Variants in UVRAG observed in about 807,000 individuals in gnomAD.
The protein encoded by UVRAG is UV radiation resistance-associated gene protein.
UVRAG carries 19 observed loss-of-function variants against 78.0 expected under a neutral mutation model. The ratio of observed to expected loss-of-function variants is 0.24; its 90% confidence interval spans 0.17 to 0.36. The LOEUF (loss-of-function observed/expected upper bound fraction) is 0.36, where lower values mean the gene tolerates loss of function less well. UVRAG is among the 10% of genes least tolerant of loss of function. The pLI is 1.00. For synonymous variants in UVRAG, 323 were observed against 324.6 expected (o/e 1.00, Z 0.05); for missense variants, 740 against 853.8 (o/e 0.87, Z 1.66).
chr11:75,903,031 A>T (rs769078735), intron 5 of UVRAG, among the ~76,000 whole-genome samples: 9 of 152,086 alleles, frequency 5.9e-5, no homozygotes, highest in Non-Finnish European at 1.2e-4. Context: ...AGTCAGTTGT[A>T]TAGTACTTTG....
chr11:76,138,814 G>C (rs988866285), intron 14 of UVRAG, among the ~76,000 whole-genome samples: 1 of 152,234 alleles, frequency 6.6e-6, no homozygotes, highest in Non-Finnish European at 1.5e-5. Flanking sequence ...AGAATAGACT[G>C]TCTGAGGTGG....
At position 76,127,580 on chromosome 11, in the gene UVRAG, G is replaced by A. The variant is rs528718754; in HGVS notation, c.1397+11565G>A. ...ACCCAGGAGGTGGAGGTTGCAGTGAGCCAAGACTGTGCCATTGCACTCCAG... is the reference window on the plus strand; with the variant it reads ...ACCCAGGAGGTGGAGGTTGCAGTGAACCAAGACTGTGCCATTGCACTCCAG... On this transcript the variant is annotated intron_variant, in intron 14 of 14. Coordinates refer to ENST00000356136, the MANE Select transcript of UVRAG (RefSeq NM_003369.4). Among the ~76,000 whole-genome samples the A allele has an allele frequency of 3.3e-5, 5 of 150,148 alleles. No homozygotes were observed. In the East Asian group the frequency reaches 9.8e-4, roughly 29 times the overall value.
chr11:76,004,468 TCAGCAA>T (rs1949886318), intron 9 of UVRAG, among the ~76,000 whole-genome samples: 1 of 152,204 alleles, frequency 6.6e-6, no homozygotes, highest in Non-Finnish European at 1.5e-5. Context: ...TTGGATTACT[TCAGCAA>T]CTAGATTATC....
At chr11:76,128,264 C>T (rs897974261) in intron 14 of UVRAG, among the ~76,000 whole-genome samples, 2 of 152,178 alleles carry the variant, frequency 1.3e-5, no homozygotes, top group African/African-American at 4.8e-5. Flanking sequence ...CTGTGAACTA[C>T]TCACGCGGGG....
At chr11:75,999,573 G>A (rs569480805) in intron 8 of UVRAG, among the ~76,000 whole-genome samples, 2 of 151,876 alleles carry the variant, frequency 1.3e-5, no homozygotes, top group Non-Finnish European at 2.9e-5. Flanking sequence ...TAGAGACGGG[G>A]TTTCACTATG....
chr11:75,862,018 G>A lies in UVRAG; in HGVS notation c.270+238G>A, dbSNP rs181841777. Among the ~76,000 whole-genome samples, 34 of 152,150 alleles carry A rather than the reference G, an allele frequency of 2.2e-4. No homozygotes were observed. In the East Asian group the frequency reaches 5.2e-3, roughly 23 times the overall value. ...GTTAATGGGTGTAGCACACCGACATGGCACATGTATACGTATGTAACAAAC... is the reference window on the plus strand; with the variant it reads ...GTTAATGGGTGTAGCACACCGACATAGCACATGTATACGTATGTAACAAAC... On this transcript the variant is annotated intron_variant, in intron 3 of 14. Coordinates refer to ENST00000356136, the MANE Select transcript of UVRAG (RefSeq NM_003369.4).
chr11:76,101,617 C>T (rs1014640475), intron 13 of UVRAG, among the ~76,000 whole-genome samples: 13 of 152,148 alleles, frequency 8.5e-5, no homozygotes, highest in Non-Finnish European at 1.8e-4. Context: ...GCCTTTGTTG[C>T]AGTTGCCTTT....
At chr11:75,910,526 T>C (rs1377170939) in intron 5 of UVRAG, among the ~76,000 whole-genome samples, 12 of 151,586 alleles carry the variant, frequency 7.9e-5, no homozygotes, top group Admixed American at 7.2e-4. Context: ...CATGACTATT[T>C]ATTCCTTTTT....
At chr11:76,015,383 G>T (rs978807020) in intron 11 of UVRAG, among the ~76,000 whole-genome samples, 1 of 152,048 alleles carries the variant, frequency 6.6e-6, no homozygotes, top group African/African-American at 2.4e-5. Context: ...AAATTTATGA[G>T]ACAGTACAGT....
intron 5 of UVRAG, among the ~76,000 whole-genome samples, chr11:75,908,770 A>G (rs1591004400): frequency 1.2e-5 from 1 of 82,518 alleles, no homozygotes; most frequent in South Asian, 3.2e-4. Flanking sequence ...AATTCTATCT[A>G]CCTCTTTATC....
rs575744821 is a variant in UVRAG at position 76,053,919 on chromosome 11, G to A, written c.1227-11791G>A. Among the ~76,000 whole-genome samples the A allele has an allele frequency of 2.7e-5, 4 of 145,608 alleles. No homozygotes were observed. The East Asian group carries it at 8.1e-4, about 29-fold the overall frequency. ...TGGGAAGCGGAGGTTGCAGTGAGCCGAGATTGCGCCACTGCACTCCAGCCT... is the reference window on the plus strand; with the variant it reads ...TGGGAAGCGGAGGTTGCAGTGAGCCAAGATTGCGCCACTGCACTCCAGCCT... On this transcript the variant is annotated intron_variant, in intron 12 of 14. Coordinates refer to ENST00000356136, the MANE Select transcript of UVRAG (RefSeq NM_003369.4).
chr11:75,978,073 A>G (rs1326819573), intron 7 of UVRAG, among the ~76,000 whole-genome samples: 1 of 152,142 alleles, frequency 6.6e-6, no homozygotes, highest in Admixed American at 6.5e-5. Context: ...GGTGGTGACA[A>G]AATCTCTCAG....
intron 13 of UVRAG, among the ~76,000 whole-genome samples, chr11:76,085,266 G>A (rs1042630425): frequency 1.3e-5 from 2 of 151,988 alleles, no homozygotes; most frequent in African/African-American, 4.8e-5. Flanking sequence ...TCATGGCAAT[G>A]TGGTCCCCTT....
At position 76,142,868 on chromosome 11, in the gene UVRAG, G is replaced by C. The variant is rs992878586; in HGVS notation, c.*1455G>C. 1 of 152,350 alleles carries C rather than the reference G, an allele frequency of 6.6e-6. No individual in the cohort carries two copies. The highest frequency in any genetic ancestry group is 6.5e-5 in the Admixed American group (1 of 15,280). The allele number at this position is 152,350 out of a possible 1,614,324, so 9.4% of individuals were successfully genotyped here. Reference sequence around the variant, plus strand: ...TCCTGCATAACAGCTTCACTCACAGGCCTCACCGTCACTTTATTTTGTGTC... The same window carrying C: ...TCCTGCATAACAGCTTCACTCACAGCCCTCACCGTCACTTTATTTTGTGTC... On this transcript the variant is annotated 3_prime_UTR_variant, in exon 15 of 15. Transcript: ENST00000356136.
At chr11:75,859,917 G>C (rs552444471) in intron 2 of UVRAG, among the ~76,000 whole-genome samples, 2 of 152,200 alleles carry the variant, frequency 1.3e-5, no homozygotes, top group Admixed American at 6.5e-5. Flanking sequence ...GAATTGTTTT[G>C]TTTGATTTAT....
At chr11:76,099,959 C>T (rs759241986) in intron 13 of UVRAG, among the ~76,000 whole-genome samples, 10 of 152,004 alleles carry the variant, frequency 6.6e-5, no homozygotes, top group Non-Finnish European at 1.5e-4. Context: ...TTAGTATTAA[C>T]TGATTATGGT....
chr11:75,981,508 T>G (rs2135272239), intron 7 of UVRAG, among the ~76,000 whole-genome samples: 1 of 152,034 alleles, frequency 6.6e-6, no homozygotes, highest in East Asian at 1.9e-4. Flanking sequence ...TGAAGTACAA[T>G]GGCATCATCA....
rs150542902 is a variant in UVRAG at position 76,061,303 on chromosome 11, G to A, written c.1227-4407G>A. ...AGGGATTGTAAACGCGCCAATCAGCGCCCTGTCAAAGCAGACCACTCGGCT... is the reference window on the plus strand; with the variant it reads ...AGGGATTGTAAACGCGCCAATCAGCACCCTGTCAAAGCAGACCACTCGGCT... On this transcript the variant is annotated intron_variant, in intron 12 of 14. Transcript: ENST00000356136. 4.5e-3 allele frequency among the ~76,000 whole-genome samples: 683 copies of A among 152,264 alleles called. 5 individuals carry two copies. The highest frequency in any genetic ancestry group is 0.016 in the African/African-American group (651 of 41,558).
At chr11:75,855,910 A>G (rs1360862925) in intron 2 of UVRAG, among the ~76,000 whole-genome samples, 1 of 152,248 alleles carries the variant, frequency 6.6e-6, no homozygotes, top group Non-Finnish European at 1.5e-5. Flanking sequence ...TAGTTATTAT[A>G]TCCCCAGAGA....
Sources: allele counts gnomAD v4.1 joint callset (sites outside exome capture counted in the v4.1 genomes callset), GRCh38; gene constraint gnomAD v4.1.1; transcripts MANE v1.5; gene names NCBI Gene and HGNC (gene_info 2026-07-23, HGNC 2026-07-21).